Variants in ATP2B4 observed in about 807,000 individuals in gnomAD.
The protein encoded by ATP2B4 is ATPase plasma membrane Ca2+ transporting 4.
ATP2B4 carries 39 observed loss-of-function variants against 110.3 expected under a neutral mutation model. The observed-to-expected ratio is 0.35, with a 90% CI of 0.27 to 0.46. ATP2B4 has a LOEUF of 0.46. Among genes scored for constraint, ATP2B4 ranks in the 20% least tolerant of loss-of-function variants. The pLI is 1.00. For synonymous variants in ATP2B4, 538 were observed against 571.7 expected (o/e 0.94, Z 0.84); for missense variants, 1,135 against 1,530.9 (o/e 0.74, Z 4.32).
At chr1:203,736,635 AAG>A (rs964102776) in intron 20 of ATP2B4, among the ~76,000 whole-genome samples, 1 of 152,136 alleles carries the variant, frequency 6.6e-6, no homozygotes, top group Non-Finnish European at 1.5e-5. Flanking sequence ...AGGGCCCCAA[AAG>A]AGACATTTCC....
At chr1:203,731,988 C>T (rs1331458403) in intron 20 of ATP2B4, among the ~76,000 whole-genome samples, 1 of 151,434 alleles carries the variant, frequency 6.6e-6, no homozygotes, top group Non-Finnish European at 1.5e-5. Flanking sequence ...ACCATCCTGG[C>T]TAACACAGTG....
At position 203,720,578 on chromosome 1, in the gene ATP2B4, G is replaced by A. The variant is rs1211378113; in HGVS notation, c.2436G>A (p.Glu812=). The A allele has an allele frequency of 1.9e-6, 3 of 1,612,256 alleles. No homozygotes were observed. The highest frequency in any genetic ancestry group is 2.2e-5 in the South Asian group (2 of 90,758). ...MGIAGTDVAK[E]ASDIILTDDN... ...TCGCAGGCACAGATGTAGCAAAGGAGGCTTCAGACATCATCCTAACAGATG... is the reference window on the plus strand; with the variant it reads ...TCGCAGGCACAGATGTAGCAAAGGAAGCTTCAGACATCATCCTAACAGATG... The change falls in exon 16 of 21, where the codon GAG becomes GAA. Residue 812 remains glutamate, a synonymous_variant. Transcript: ENST00000357681.
chr1:203,672,736 A>T (rs1231041985), intron 1 of ATP2B4, among the ~76,000 whole-genome samples: 1 of 151,926 alleles, frequency 6.6e-6, no homozygotes, highest in African/African-American at 2.4e-5. Context: ...TTTTCCCCTC[A>T]TCTGTGTATG....
At position 203,741,990 on chromosome 1, in the gene ATP2B4, C is replaced by T. The variant is rs1667005863; in HGVS notation, c.*2136C>T. 1 of 152,586 alleles carries T rather than the reference C, an allele frequency of 6.6e-6. No homozygotes were observed. The highest frequency in any genetic ancestry group is 6.5e-5 in the Admixed American group (1 of 15,276). 9.5% of individuals were successfully genotyped at this position (152,586 alleles called of 1,614,324 possible). ...CTGTTCACAAAAGGTTCTCATGGTG[C>T]CTGACAGGTTACCCTTGAGGGCTTG... On this transcript the variant is annotated 3_prime_UTR_variant, in exon 21 of 21. Transcript: ENST00000357681.
intron 1 of ATP2B4, among the ~76,000 whole-genome samples, chr1:203,670,820 G>A (rs566019278): frequency 2.0e-4 from 31 of 152,300 alleles, no homozygotes; most frequent in African/African-American, 6.3e-4. Flanking sequence ...CACCAGAAGG[G>A]TGCTTCCCTG....
intron 1 of ATP2B4, among the ~76,000 whole-genome samples, chr1:203,682,239 G>T (rs569015332): frequency 6.6e-6 from 1 of 152,154 alleles, no homozygotes; most frequent in South Asian, 2.1e-4. Flanking sequence ...GTGTGTAAAT[G>T]TGTGTGTTGG....
chr1:203,681,801 G>A (rs1665021123), intron 1 of ATP2B4, among the ~76,000 whole-genome samples: 1 of 152,028 alleles, frequency 6.6e-6, no homozygotes, highest in Admixed American at 6.6e-5. Context: ...TGTCTCCCTT[G>A]CTAACCTTGC....
In ATP2B4 at chr1:203,709,759, A is replaced by G. The variant is rs140488417; in HGVS notation, c.1799+217A>G. Among the ~76,000 whole-genome samples, 410 of 152,348 alleles carry G rather than the reference A, an allele frequency of 2.7e-3. 1 individual carries two copies. The highest frequency in any genetic ancestry group is 9.4e-3 in the African/African-American group (389 of 41,584). On this transcript the variant is annotated intron_variant, in intron 11 of 20. Transcript: ENST00000357681. ...CTCACAACTCAGTAAGGTGGGTACT[A>G]TGATTATCCCTGTTTTACAGATGAG...
At chr1:203,728,120 TA>T in intron 20 of ATP2B4, 1 of 441,086 alleles carries the variant, frequency 2.3e-6, no homozygotes. Flanking sequence ...GTTTCATGTG[TA>T]AAAATGACAA....
intron 1 of ATP2B4, among the ~76,000 whole-genome samples, chr1:203,665,521 G>A (rs1664477099): frequency 6.6e-6 from 1 of 152,084 alleles, no homozygotes; most frequent in South Asian, 2.1e-4. Flanking sequence ...TGTAGCCTTG[G>A]CCGGGCTCGG....
intron 1 of ATP2B4, among the ~76,000 whole-genome samples, chr1:203,630,349 C>T (rs1310245179): frequency 3.1e-5 from 3 of 95,782 alleles, no homozygotes; most frequent in African/African-American, 1.2e-4. Context: ...AACCCCTTTT[C>T]TCTCTCTCTC....
In ATP2B4 at chr1:203,634,261, T is replaced by G. The variant is rs190170988; in HGVS notation, c.-465+7042T>G. On this transcript the variant is annotated intron_variant, in intron 1 of 20. Coordinates refer to ENST00000357681, the MANE Select transcript of ATP2B4 (RefSeq NM_001684.5). ...ATTCTGAAACATGCATTACATTAACTATAGTCACCATGTAGTGCAGTAAAT... is the reference window on the plus strand; with the variant it reads ...ATTCTGAAACATGCATTACATTAACGATAGTCACCATGTAGTGCAGTAAAT... Among the ~76,000 whole-genome samples the G allele has an allele frequency of 4.9e-3, 751 of 152,326 alleles. 21 individuals are homozygous for G. Among genetic ancestry groups the G allele is most frequent in the Admixed American group, 0.042 (643 of 15,300 alleles).
chr1:203,657,181 G>A lies in ATP2B4; in HGVS notation c.-464-25561G>A, dbSNP rs1571688663. 6.2e-6 allele frequency: 5 copies of A among 802,208 alleles called. No individual in the cohort carries two copies. The East Asian group carries it at 7.3e-5, about 12-fold the overall frequency. 49.7% of individuals were successfully genotyped at this position (802,208 alleles called of 1,614,324 possible). A position where few individuals can be genotyped will look rare whatever the true frequency, so the allele number is the denominator to read the frequency against. ...ACCAAGTATTGGTGGGCAAAAGGTG[G>A]CTTTCAGTTCAAGATGTAATACATG... On this transcript the variant is annotated intron_variant, in intron 1 of 20. Transcript: ENST00000357681.
At chr1:203,721,077 C>T (rs1000743768) in intron 16 of ATP2B4, 120 bp from the exon 17 acceptor site, 5 of 1,041,578 alleles carry the variant, frequency 4.8e-6, no homozygotes, top group Non-Finnish European at 7.0e-6. Context: ...CTCACAGTCA[C>T]TCAGCTAGGA....
chr1:203,720,991 T>C (rs1235334043), intron 16 of ATP2B4, among the ~76,000 whole-genome samples: 2 of 152,224 alleles, frequency 1.3e-5, no homozygotes, highest in African/African-American at 4.8e-5. Context: ...TCTTCAAAAA[T>C]GACCTTGTGA....
At chr1:203,673,459 G>A (rs1261417900) in intron 1 of ATP2B4, among the ~76,000 whole-genome samples, 1 of 152,218 alleles carries the variant, frequency 6.6e-6, no homozygotes, top group East Asian at 1.9e-4. Context: ...AGGGGTGGCA[G>A]GTTATTAGCG....
Position 203,698,137 on chromosome 1 carries a change from C to T in ATP2B4, c.194-20C>T. ...TCCTTTTTTCCTACATTCATTCATC[C>T]ACTCCTATCTCCTTTTCAGGTCTGT... On this transcript the variant is annotated intron_variant, in intron 2 of 20. Coordinates refer to ENST00000357681, the MANE Select transcript of ATP2B4 (RefSeq NM_001684.5). 1.2e-6 allele frequency: 2 copies of T among 1,612,108 alleles called. No homozygotes were observed. The highest frequency in any genetic ancestry group is 1.7e-6 in the Non-Finnish European group (2 of 1,178,382).
chr1:203,633,137 C>T (rs1000569516), intron 1 of ATP2B4, among the ~76,000 whole-genome samples: 2 of 152,234 alleles, frequency 1.3e-5, no homozygotes, highest in African/African-American at 4.8e-5. Flanking sequence ...CATGTTGTCA[C>T]AGGAGCTGGC....
chr1:203,724,448 T>C (rs1222180445), intron 19 of ATP2B4, among the ~76,000 whole-genome samples: 4 of 150,798 alleles, frequency 2.7e-5, no homozygotes, highest in East Asian at 2.0e-4. Flanking sequence ...ACCTGGGAGG[T>C]GGAGCTTGCA....
Sources: gnomAD v4.1 joint callset for allele counts (sites outside exome capture counted in the v4.1 genomes callset) on GRCh38, gnomAD v4.1.1 for gene constraint, MANE v1.5 for transcripts, NCBI Gene and HGNC (gene_info 2026-07-23, HGNC 2026-07-21) for gene names.